The following DACH2 variants were observed in gnomAD, a reference collection of about 807,000 sequenced individuals.
DACH2 encodes dachshund family transcription factor 2.
DACH2 carries 17 observed loss-of-function variants against 35.8 expected under a neutral mutation model. The ratio of observed to expected loss-of-function variants is 0.48; its 90% CI spans 0.33 to 0.71. The LOEUF (loss-of-function observed/expected upper bound fraction) is 0.71, where lower values mean the gene tolerates loss of function less well. DACH2 is among the 30% of genes least tolerant of loss of function. The probability of loss-of-function intolerance (pLI) is 0.02; values close to 1 mark genes in which losing one functional copy is unlikely to be tolerated. For synonymous variants in DACH2, 195 were observed against 177.3 expected (o/e 1.10, Z -0.79); for missense variants, 469 against 472.7 (o/e 0.99, Z 0.07).
At chrX:86,332,606 A>G (rs1187036405) in intron 1 of DACH2, among the ~76,000 whole-genome samples, 3 of 99,339 alleles carry the variant, frequency 3.0e-5, no homozygotes, top group African/African-American at 1.3e-4. Context: ...AAATATTATA[A>G]ACGTAACACT....
chrX:86,526,472 C>A (rs2038634304), intron 3 of DACH2, among the ~76,000 whole-genome samples: 1 of 111,452 alleles, frequency 9.0e-6, no homozygotes, highest in Non-Finnish European at 1.9e-5. Context: ...TGTTTGCTCC[C>A]TTTCTGGCAA....
chrX:86,199,677 T>A (rs1188857474), intron 1 of DACH2, among the ~76,000 whole-genome samples: 1 of 111,441 alleles, frequency 9.0e-6, no homozygotes, highest in East Asian at 2.8e-4. Context: ...AGAAAATGAA[T>A]AAAATACCTA....
intron 1 of DACH2, among the ~76,000 whole-genome samples, chrX:86,357,506 C>T (rs2035662840): frequency 8.9e-6 from 1 of 112,163 alleles, no homozygotes; most frequent in Admixed American, 9.4e-5. Flanking sequence ...GTATTCCTTA[C>T]ATAAGCTAGT....
chrX:86,384,323 T>C (rs898201984), intron 2 of DACH2, among the ~76,000 whole-genome samples: 4 of 111,736 alleles, frequency 3.6e-5, no homozygotes, highest in Non-Finnish European at 7.6e-5. Context: ...GTGTAACTAA[T>C]TAGTTTCTAA....
chrX:86,322,348 T>C (rs1219053778), intron 1 of DACH2, among the ~76,000 whole-genome samples: 1 of 110,516 alleles, frequency 9.0e-6, no homozygotes, highest in Non-Finnish European at 1.9e-5. Flanking sequence ...GGGCCTAAGA[T>C]GGCTTGCTAC....
At chrX:86,426,107 T>C (rs956596793) in intron 2 of DACH2, among the ~76,000 whole-genome samples, 1 of 111,758 alleles carries the variant, frequency 8.9e-6, no homozygotes, top group African/African-American at 3.2e-5. Flanking sequence ...CAAAATTGAA[T>C]GGTGAGCATG....
At chrX:86,429,056 A>G (rs977882871) in intron 2 of DACH2, among the ~76,000 whole-genome samples, 4 of 111,325 alleles carry the variant, frequency 3.6e-5, no homozygotes, top group South Asian at 3.7e-4. Flanking sequence ...CCTGCTCTTC[A>G]TTGTATCAGC....
chrX:86,708,088 C>A (rs2041239704), intron 5 of DACH2, among the ~76,000 whole-genome samples: 1 of 107,889 alleles, frequency 9.3e-6, no homozygotes, highest in Non-Finnish European at 1.9e-5. Context: ...AAATACAATA[C>A]CCATTCATAA....
intron 1 of DACH2, chrX:86,345,417 G>GA (rs753921409): frequency 1.1e-4 from 31 of 293,852 alleles, no homozygotes; most frequent in Admixed American, 3.2e-4. Flanking sequence ...TTCCTTGCAG[G>GA]AAAAAAAATA....
At chrX:86,512,085 T>C (rs12007149) in intron 2 of DACH2, among the ~76,000 whole-genome samples, 15,504 of 110,616 alleles carry the variant, frequency 0.14, 957 homozygotes, top group East Asian at 0.24. Flanking sequence ...CTAGAAACCA[T>C]GAGAATTGCT....
chrX:86,599,587 C>T (rs1239478008), intron 3 of DACH2, among the ~76,000 whole-genome samples: 2 of 107,982 alleles, frequency 1.9e-5, no homozygotes, highest in Non-Finnish European at 3.8e-5. Context: ...AACTTCACCT[C>T]CAAAGTTCAA....
At chrX:86,548,828 G>A (rs929697158) in intron 3 of DACH2, among the ~76,000 whole-genome samples, 5 of 111,992 alleles carry the variant, frequency 4.5e-5, no homozygotes, top group Non-Finnish European at 9.4e-5. Context: ...GTAGTTTTCT[G>A]TTCACTTCTG....
chrX:86,765,066 A>T (rs2041918642), intron 7 of DACH2, among the ~76,000 whole-genome samples: 1 of 110,754 alleles, frequency 9.0e-6, no homozygotes, highest in African/African-American at 3.3e-5. Context: ...TCCCATTTTT[A>T]AGTGGATTTT....
intron 1 of DACH2, among the ~76,000 whole-genome samples, chrX:86,306,215 A>G (rs752675126): frequency 1.8e-3 from 204 of 112,320 alleles, no homozygotes; most frequent in Middle Eastern, 0.014. Context: ...CAAAAGATGA[A>G]TAGCTAAAGA....
intron 1 of DACH2, among the ~76,000 whole-genome samples, chrX:86,313,173 A>T (rs1244351852): frequency 9.0e-6 from 1 of 111,286 alleles, no homozygotes; most frequent in Admixed American, 9.6e-5. Context: ...CTATTATATC[A>T]GTTATAATAA....
chrX:86,474,361 T>A (rs1449030649), intron 2 of DACH2, among the ~76,000 whole-genome samples: 1 of 111,961 alleles, frequency 8.9e-6, no homozygotes, highest in Non-Finnish European at 1.9e-5. Flanking sequence ...GCATTTTAAC[T>A]TGATGTGATC....
intron 11 of DACH2, among the ~76,000 whole-genome samples, chrX:86,823,767 C>T (rs978289854): frequency 3.6e-5 from 4 of 111,034 alleles, no homozygotes; most frequent in Non-Finnish European, 5.7e-5. Flanking sequence ...TTGGTAGGAC[C>T]GTGATGCCTA....
intron 3 of DACH2, among the ~76,000 whole-genome samples, chrX:86,615,888 T>C (rs2039996080): frequency 1.8e-5 from 2 of 110,599 alleles, no homozygotes; most frequent in Admixed American, 9.7e-5. Context: ...AAGCATAGTA[T>C]CCAATAATTA....
intron 1 of DACH2, among the ~76,000 whole-genome samples, chrX:86,283,118 A>T (rs1012434679): frequency 4.1e-5 from 4 of 97,539 alleles, no homozygotes; most frequent in Admixed American, 1.2e-4. Context: ...GCTAACAAAC[A>T]TATGAGGAAA....
Sources: gnomAD v4.1 joint callset for allele counts (sites outside exome capture counted in the v4.1 genomes callset) on GRCh38, gnomAD v4.1.1 for gene constraint, MANE v1.5 for transcripts, NCBI Gene and HGNC (gene_info 2026-07-23, HGNC 2026-07-21) for gene names.